The following CDNF variants were observed in gnomAD, a reference collection of about 807,000 sequenced individuals.
The protein encoded by CDNF is cerebral dopamine neurotrophic factor, also known as ARMET-like protein 1.
In CDNF, 9 loss-of-function variants were observed where a neutral mutation model predicts 14.8. The observed-to-expected ratio is 0.61, with a 90% CI of 0.37 to 1.06. The LOEUF is 1.06. Among genes scored for constraint, CDNF ranks in the 50% least tolerant of loss-of-function variants. The pLI is 0.01. For missense variants in CDNF, 228 were observed against 228.4 expected (o/e 1.00, Z 0.01); for synonymous variants, 86 against 87.2 (o/e 0.99, Z 0.07).
At position 14,828,204 on chromosome 10, in the gene CDNF, T is replaced by C; in HGVS notation, c.184A>G (p.Thr62Ala). ...AAACTGATCAATTCTTTCTCTATAG[T>C]GTCCAGCGAAAAGTTAACTCCTCTG... ...IDRGVNFSLD[T>A]IEKELISFCL... The change falls in exon 2 of 4, where the codon ACT becomes GCT. Residue 62 changes from threonine to alanine, a missense_variant. Thr to Ala is a moderately conservative substitution (Grantham distance 58, BLOSUM62 0). Transcript: ENST00000465530. 3 of 1,613,516 alleles carry C rather than the reference T, an allele frequency of 1.9e-6. No homozygotes were observed. The highest frequency in any genetic ancestry group is 2.5e-6 in the Non-Finnish European group (3 of 1,179,436).
intron 1 of CDNF, 101 bp from the exon 2 acceptor site, chr10:14,828,373 G>T: frequency 8.6e-7 from 1 of 1,158,208 alleles, no homozygotes; most frequent in Non-Finnish European, 1.2e-6. Context: ...ATGGGGCTGG[G>T]CATGGTGGCT....
At chr10:14,831,462 CAT>C (rs66493377) in intron 1 of CDNF, among the ~76,000 whole-genome samples, 9,329 of 144,846 alleles carry the variant, frequency 0.064, 366 homozygotes, top group East Asian at 0.12. Context: ...AGCTTAAAGT[CAT>C]ATATATATAT....
chr10:14,821,882 T>C (rs563853816), intron 3 of CDNF, among the ~76,000 whole-genome samples: 3 of 152,302 alleles, frequency 2.0e-5, no homozygotes, highest in South Asian at 4.1e-4. Flanking sequence ...TTGAAACCCA[T>C]AGATTGTAAT....
At chr10:14,832,852 C>CTTTTTTT (rs918887413) in intron 1 of CDNF, among the ~76,000 whole-genome samples, 18 of 80,488 alleles carry the variant, frequency 2.2e-4, no homozygotes, top group East Asian at 3.8e-4. Flanking sequence ...TCTTTTTTTG[C>CTTTTTTT]TTTTTTTTTT....
chr10:14,832,694 T>C (rs189894790), intron 1 of CDNF, among the ~76,000 whole-genome samples: 3 of 152,032 alleles, frequency 2.0e-5, no homozygotes, highest in African/African-American at 7.2e-5. Flanking sequence ...AAGCCAGATG[T>C]AATGTGTCAG....
intron 1 of CDNF, among the ~76,000 whole-genome samples, chr10:14,829,109 T>C (rs935173012): frequency 6.6e-5 from 10 of 152,224 alleles, no homozygotes; most frequent in East Asian, 3.8e-4. Context: ...AGTGGACACA[T>C]TGTAACAGCA....
chr10:14,828,364 T>A (rs762309127), intron 1 of CDNF, 92 bp from the exon 2 acceptor site: 44 of 1,292,528 alleles, frequency 3.4e-5, no homozygotes, highest in Non-Finnish European at 4.5e-5. Flanking sequence ...AAAGTCTATA[T>A]GGGGCTGGGC....
rs182120524 is a variant in CDNF at position 14,831,002 on chromosome 10, C to T, written c.116-2730G>A. ...GGGGCCTTTGACCCCTACCTATGTG[C>T]ACGAGCTTGTAATTATGAGTTATCA... On this transcript the variant is annotated intron_variant, in intron 1 of 3. Transcript: ENST00000465530. Among the ~76,000 whole-genome samples the T allele has an allele frequency of 5.6e-4, 85 of 152,286 alleles. 1 individual carries two copies. The highest frequency in any genetic ancestry group is 2.0e-3 in the African/African-American group (83 of 41,558).
chr10:14,837,114 G>A (rs573856510), intron 1 of CDNF, among the ~76,000 whole-genome samples: 143 of 152,272 alleles, frequency 9.4e-4, no homozygotes, highest in Middle Eastern at 3.4e-3. Context: ...TGGAGTGAGC[G>A]CTACAGGAGT....
In CDNF at chr10:14,825,594, G is replaced by A. The variant is rs147677694; in HGVS notation, c.270C>T (p.Asp90=). The change falls in exon 3 of 4, where the codon GAC becomes GAT. Residue 90 remains aspartate, a synonymous_variant. Transcript: ENST00000465530. The part of the protein sequence containing the change: ...RLCYYLGATK[D]AATKILSEVT... ...CTTCACTTAGGATCTTTGTGGCTGC[G>A]TCTTTTGTGGCTCCTAGATAATAGC... 1.3e-4 allele frequency: 208 copies of A among 1,613,840 alleles called. No individual in the cohort carries two copies. Among genetic ancestry groups the A allele is most frequent in the East Asian group, 4.0e-4 (18 of 44,884 alleles).
At chr10:14,820,226 A>G (rs1833726747) in intron 3 of CDNF, 68 bp from the exon 4 acceptor site, 1 of 1,500,874 alleles carries the variant, frequency 6.7e-7, no homozygotes, top group South Asian at 1.2e-5. Context: ...GAATCACTTC[A>G]AAAGGCATAT....
At chr10:14,820,198 T>A (rs773165188) in intron 3 of CDNF, 40 bp from the exon 4 acceptor site, 13 of 1,594,026 alleles carry the variant, frequency 8.2e-6, no homozygotes, top group African/African-American at 4.1e-5. Flanking sequence ...ACAAAATAAA[T>A]GGAAAAAAAA....
At chr10:14,834,014 C>T (rs1833866200) in intron 1 of CDNF, among the ~76,000 whole-genome samples, 1 of 152,092 alleles carries the variant, frequency 6.6e-6, no homozygotes, top group Non-Finnish European at 1.5e-5. Context: ...AAAGCAGAAA[C>T]CTGCTGTAAT....
At chr10:14,825,249 C>T (rs1370523230) in intron 3 of CDNF, among the ~76,000 whole-genome samples, 1 of 152,166 alleles carries the variant, frequency 6.6e-6, no homozygotes, top group East Asian at 1.9e-4. Flanking sequence ...AGCCACCGCG[C>T]CAGGCCTCAT....
chr10:14,821,434 T>C (rs1389021941), intron 3 of CDNF, among the ~76,000 whole-genome samples: 1 of 152,236 alleles, frequency 6.6e-6, no homozygotes, highest in Non-Finnish European at 1.5e-5. Context: ...AATAGTTCTT[T>C]ACAGCAATGC....
chr10:14,830,824 C>T (rs943063985), intron 1 of CDNF, among the ~76,000 whole-genome samples: 2 of 152,040 alleles, frequency 1.3e-5, no homozygotes, highest in African/African-American at 2.4e-5. Flanking sequence ...CCAGTCTGGG[C>T]GACAAGAGTG....
intron 1 of CDNF, among the ~76,000 whole-genome samples, chr10:14,829,988 T>C (rs1027397806): frequency 1.3e-5 from 2 of 152,284 alleles, no homozygotes; most frequent in Admixed American, 6.5e-5. Context: ...TTTCTTTGTG[T>C]GCTTGCTTAT....
At chr10:14,824,498 C>T (rs898675281) in intron 3 of CDNF, among the ~76,000 whole-genome samples, 5 of 150,932 alleles carry the variant, frequency 3.3e-5, no homozygotes, top group East Asian at 2.0e-4. Context: ...CCCAGCTACT[C>T]GGGAGGCTCC....
At position 14,826,074 on chromosome 10, in the gene CDNF, AAGAAGAAGAAGAAGAAGAAGAAGC is replaced by A. The variant is rs1564313375; in HGVS notation, c.244-478_244-455del. Reference sequence around the variant, plus strand: ...GAAGAAGAAGAAGAAGAAGAAGAAGAAGAAGAAGAAGAAGAAGAAGAAGCAGCAGCAGCAGCAGCAGCAGCAGCA... The same window carrying A: ...GAAGAAGAAGAAGAAGAAGAAGAAGAAGCAGCAGCAGCAGCAGCAGCAGCA... On this transcript the variant is annotated intron_variant, in intron 2 of 3. Transcript: ENST00000465530. Among the ~76,000 whole-genome samples the A allele has an allele frequency of 3.3e-4, 47 of 141,888 alleles. 2 individuals carry two copies. The highest frequency in any genetic ancestry group is 1.2e-3 in the Admixed American group (16 of 13,826). 93.1% of individuals were successfully genotyped at this position (141,888 alleles called of 152,430 possible). A position where few individuals can be genotyped will look rare whatever the true frequency, so the allele number is the denominator to read the frequency against.
Sources: gnomAD v4.1 joint callset for allele counts (sites outside exome capture counted in the v4.1 genomes callset) on GRCh38, gnomAD v4.1.1 for gene constraint, MANE v1.5 for transcripts, NCBI Gene and HGNC (gene_info 2026-07-23, HGNC 2026-07-21) for gene names.